AUP1: variants seen among roughly 807,000 people sequenced by gnomAD.
The protein encoded by AUP1 is lipid droplet-regulating VLDL assembly factor AUP1.
A neutral mutation model predicts 51.8 loss-of-function variants in AUP1; 30 were observed. The observed-to-expected ratio is 0.58, with a 90% confidence interval of 0.43 to 0.79. AUP1 has a LOEUF of 0.79. Ranked by LOEUF, AUP1 falls within the 30% of genes least tolerant of loss-of-function variation. The pLI, the probability that AUP1 is intolerant of heterozygous loss-of-function variation, is 0.00. For missense variants in AUP1, 492 were observed against 517.1 expected (o/e 0.95, Z 0.47); for synonymous variants, 227 against 209.0 (o/e 1.09, Z -0.74).
At position 74,526,770 on chromosome 2, in the gene AUP1, G is replaced by T. The variant is rs11539610; in HGVS notation, c.*30C>A. ...GGGCTGCCCCCAGTCTCCGTCCTGC[G>T]GCTCTGGGTGCCATCCTGTTCCTTT... On this transcript the variant is annotated 3_prime_UTR_variant, in exon 12 of 12. Coordinates refer to ENST00000377526, the MANE Select transcript of AUP1 (RefSeq NM_181575.5). 1 of 1,518,276 alleles carries T rather than the reference G, an allele frequency of 6.6e-7. No individual in the cohort carries two copies. Among genetic ancestry groups the T allele is most frequent in the African/African-American group, 1.4e-5 (1 of 71,682 alleles). 94.1% of individuals were successfully genotyped at this position (1,518,276 alleles called of 1,614,324 possible).
chr2:74,529,316 CG>C, intron 2 of AUP1, 34 bp from the exon 3 acceptor site: 1 of 1,613,794 alleles, frequency 6.2e-7, no homozygotes, highest in Non-Finnish European at 8.5e-7. Context: ...TGTGTGGCCT[CG>C]GGCCAGACCC....
In AUP1 at chr2:74,527,362, G is replaced by C. The variant is rs367879075; in HGVS notation, c.963C>G (p.Ala321=). The C allele has an allele frequency of 3.5e-5, 56 of 1,613,920 alleles. No homozygotes were observed. The African/African-American group carries it at 6.8e-4, about 20-fold the overall frequency. ...TAGTCAAGTCTACACAGCCAGTCTTGGCTGGGGAGAAAAGAGAAGGGAGTC... is the reference window on the plus strand; with the variant it reads ...TAGTCAAGTCTACACAGCCAGTCTTCGCTGGGGAGAAAAGAGAAGGGAGTC... ...VPLGVIQRDL[A]KTGCVDLTIT... Residue 321 remains alanine, a splice_region_variant and synonymous_variant, in exon 10 of 12, where the codon GCC becomes GCG. Transcript: ENST00000377526.
intron 4 of AUP1, 122 bp downstream of exon 4, chr2:74,528,629 G>A: frequency 1.4e-6 from 2 of 1,395,150 alleles, no homozygotes; most frequent in East Asian, 2.4e-5. Context: ...AACTTAAAGT[G>A]GACAGAAAGG....
In AUP1 at chr2:74,529,267, G is replaced by A; in HGVS notation, c.204C>T (p.Thr68=). ...DSVLRRFVVR[T]MCAVLGLVAR... Reference sequence around the variant, plus strand: ...CCACGAGCCCTAGCACCGCACACATGGTCCGCACTACGAATCTGGGGACAC... The same window carrying A: ...CCACGAGCCCTAGCACCGCACACATAGTCCGCACTACGAATCTGGGGACAC... The change falls in exon 3 of 12, where the codon ACC becomes ACT. Residue 68 remains threonine (T), a synonymous_variant. Coordinates refer to ENST00000377526, the MANE Select transcript of AUP1 (RefSeq NM_181575.5). The A allele has an allele frequency of 1.2e-6, 2 of 1,614,218 alleles. No individual in the cohort carries two copies. Among genetic ancestry groups the A allele is most frequent in the Non-Finnish European group, 1.7e-6 (2 of 1,180,030 alleles).
chr2:74,529,045 C>T (rs1376974202), intron 3 of AUP1, 87 bp downstream of exon 3: 1 of 1,607,616 alleles, frequency 6.2e-7, no homozygotes, highest in Admixed American at 1.7e-5. Context: ...CAGTATCCTC[C>T]ATGGGGAACG....
rs1331271509 is a variant in AUP1 at position 74,529,649 on chromosome 2, C to G, written c.-20G>C. The G allele has an allele frequency of 1.3e-6, 2 of 1,550,886 alleles. No homozygotes were observed. The highest frequency in any genetic ancestry group is 3.9e-5 in the Admixed American group (2 of 51,704). ...CTCCATAACTGCTGCTTCAGGAGCG[C>G]CCGGCCGTCGCCGCCGCCGCCATTT... On this transcript the variant is annotated 5_prime_UTR_variant, in exon 1 of 12. Coordinates refer to ENST00000377526, the MANE Select transcript of AUP1 (RefSeq NM_181575.5).
At chr2:74,529,545 C>T (rs1207723976) in intron 1 of AUP1, 35 bp downstream of exon 1, 3 of 1,550,094 alleles carry the variant, frequency 1.9e-6, no homozygotes, top group South Asian at 2.4e-5. Flanking sequence ...GCCGAGAGCA[C>T]GCGGGGATCG....
At position 74,526,952 on chromosome 2, in the gene AUP1, T is replaced by A. The variant is rs1675214626; in HGVS notation, c.1185A>T (p.Glu395Asp). ...TCTAACCCCCTCACCTTCTTGCGTA[T>A]TCATATAGTGCTTGCTTGCGCTCCT... ...SLQERKQALY[E>D]YARRRFTERR... Residue 395 changes from glutamate (E) to aspartate (D), a missense_variant, in exon 11 of 12, where the codon GAA becomes GAT. Glu to Asp is a conservative substitution (Grantham distance 45, BLOSUM62 2). Transcript: ENST00000377526. 6.2e-7 allele frequency: 1 copy of A among 1,614,176 alleles called. No homozygotes were observed. The highest frequency in any genetic ancestry group is 1.1e-5 in the South Asian group (1 of 91,082).
intron 1 of AUP1, 32 bp downstream of exon 1, chr2:74,529,548 G>A (rs988496718): frequency 1.9e-6 from 3 of 1,551,974 alleles, no homozygotes; most frequent in East Asian, 4.8e-5. Context: ...GAGAGCACGC[G>A]GGGATCGGTC....
intron 1 of AUP1, 34 bp downstream of exon 1, chr2:74,529,546 G>C (rs1278537320): frequency 9.7e-6 from 15 of 1,551,052 alleles, no homozygotes; most frequent in Non-Finnish European, 1.0e-5. Flanking sequence ...CCGAGAGCAC[G>C]CGGGGATCGG....
At chr2:74,528,698 C>T (rs1675325563) in intron 4 of AUP1, 53 bp downstream of exon 4, 1 of 1,539,966 alleles carries the variant, frequency 6.5e-7, no homozygotes, top group Non-Finnish European at 8.7e-7. Flanking sequence ...ACTCAAGGGC[C>T]CACAAGCTTG....
chr2:74,527,111 G>A (rs748572623), intron 10 of AUP1, 52 bp from the exon 11 acceptor site: 22 of 1,613,230 alleles, frequency 1.4e-5, no homozygotes, highest in Admixed American at 1.7e-5. Context: ...CATTAAACAC[G>A]CATCGAATGC....
Position 74,529,641 on chromosome 2 carries a change from C to A in AUP1, c.-12G>T. ...GAGGGAAGCTCCATAACTGCTGCTT[C>A]AGGAGCGCCCGGCCGTCGCCGCCGC... On this transcript the variant is annotated 5_prime_UTR_variant, in exon 1 of 12. An upstream open reading frame in the 5' UTR loses its in-frame stop. Transcript: ENST00000377526. 1 of 1,556,082 alleles carries A rather than the reference C, an allele frequency of 6.4e-7. No individual in the cohort carries two copies. Among genetic ancestry groups the A allele is most frequent in the Non-Finnish European group, 8.7e-7 (1 of 1,152,408 alleles).
chr2:74,528,667 G>A, intron 4 of AUP1, 84 bp downstream of exon 4: 3 of 1,481,656 alleles, frequency 2.0e-6, no homozygotes, highest in Non-Finnish European at 2.7e-6. Context: ...TGGGGTCTAA[G>A]GGCCGAAGAA....
chr2:74,529,326 C>T lies in AUP1; in HGVS notation c.188+36G>A, dbSNP rs376150821. On this transcript the variant is annotated intron_variant, in intron 2 of 11. Transcript: ENST00000377526. ...GTGACTGTGTGGCCTCGGGCCAGAC[C>T]CAGCTCTGACACTCCCCGAACGCCC... 8 of 1,613,564 alleles carry T rather than the reference C, an allele frequency of 5.0e-6. No individual in the cohort carries two copies. The African/African-American group carries it at 9.3e-5, about 19-fold the overall frequency.
chr2:74,528,956 A>G (rs777587094), intron 3 of AUP1, 21 bp from the exon 4 acceptor site: 2 of 1,611,458 alleles, frequency 1.2e-6, no homozygotes, highest in Admixed American at 3.3e-5. Flanking sequence ...GGAGAAGAGA[A>G]AGCAAGAAGA....
Position 74,529,330 on chromosome 2 carries a change from C to T in AUP1, c.188+32G>A, listed in dbSNP as rs145348894. 557 of 1,613,654 alleles carry T rather than the reference C, an allele frequency of 3.5e-4. 1 individual carries two copies. The African/African-American group carries it at 6.7e-3, about 19-fold the overall frequency. Reference sequence around the variant, plus strand: ...CTGTGTGGCCTCGGGCCAGACCCAGCTCTGACACTCCCCGAACGCCCGCGT... The same window carrying T: ...CTGTGTGGCCTCGGGCCAGACCCAGTTCTGACACTCCCCGAACGCCCGCGT... On this transcript the variant is annotated intron_variant, in intron 2 of 11. Coordinates refer to ENST00000377526, the MANE Select transcript of AUP1 (RefSeq NM_181575.5).
In AUP1 at chr2:74,529,001, T is replaced by C. The variant is rs963176498; in HGVS notation, c.340-66A>G. 1.8e-5 allele frequency: 29 copies of C among 1,600,848 alleles called. No individual in the cohort carries two copies. The Admixed American group carries it at 1.8e-4, about 10-fold the overall frequency. ...AGGAAAATGAAAAAAAAAACTGACA[T>C]GTTGGGTAGAGGATCGGGGTTAGGG... On this transcript the variant is annotated intron_variant, in intron 3 of 11. Coordinates refer to ENST00000377526, the MANE Select transcript of AUP1 (RefSeq NM_181575.5).
intron 3 of AUP1, 78 bp from the exon 4 acceptor site, chr2:74,529,013 G>A (rs765789530): frequency 1.9e-6 from 3 of 1,604,742 alleles, no homozygotes; most frequent in East Asian, 2.2e-5. Context: ...TTGGGTAGAG[G>A]ATCGGGGTTA....
Sources: allele counts gnomAD v4.1 joint callset, GRCh38; gene constraint gnomAD v4.1.1; transcripts MANE v1.5; gene names NCBI Gene and HGNC (gene_info 2026-07-23, HGNC 2026-07-21).